Variants in MGAT4B observed in about 807,000 individuals in gnomAD.
MGAT4B encodes N-acetylglucosaminyltransferase IVb.
A neutral mutation model predicts 73.9 loss-of-function variants in MGAT4B; 38 were observed. That is an observed-to-expected ratio of 0.51 (90% CI 0.40 to 0.67). MGAT4B has a LOEUF of 0.67. Among genes scored for constraint, MGAT4B ranks in the 30% least tolerant of loss-of-function variants. The probability of loss-of-function intolerance (pLI) is 0.00; values close to 1 mark genes in which losing one functional copy is unlikely to be tolerated. For synonymous variants in MGAT4B, 373 were observed against 313.5 expected, an observed-to-expected ratio of 1.19 and a Z score of -2.01; for missense variants, 686 against 735.2, an observed-to-expected ratio of 0.93 and a Z score of 0.77.
intron 6 of MGAT4B, 37 bp from the exon 7 acceptor site, chr5:179,800,296 C>G (rs754016110): frequency 1.9e-6 from 3 of 1,608,442 alleles, no homozygotes; most frequent in Non-Finnish European, 2.6e-6. Flanking sequence ...GTTCAGACCC[C>G]TCCACCTCCA....
In MGAT4B at chr5:179,797,851, C is replaced by A. The variant is rs540486400; in HGVS notation, c.*194G>T. 1 of 717,076 alleles carries A rather than the reference C, an allele frequency of 1.4e-6. No individual in the cohort carries two copies. The highest frequency in any genetic ancestry group is 2.2e-6 in the Non-Finnish European group (1 of 454,660). The allele number at this position is 717,076 out of a possible 1,614,324, so 44.4% of individuals were successfully genotyped here. ...GTGTGGGGGCCGCCTGCCTCCTCCG[C>A]GGCCCGGCGGGCGGGGGCAGCACCA... is the stretch of plus-strand genomic sequence containing the variant. On this transcript the variant is annotated 3_prime_UTR_variant, in exon 15 of 15. Coordinates refer to ENST00000292591, the MANE Select transcript of MGAT4B (RefSeq NM_014275.5).
chr5:179,801,093 C>G lies in MGAT4B; in HGVS notation c.559-140G>C, dbSNP rs1756902921. ...CTGTGCTGAGGGCGGAGTAAGGGGG[C>G]CCCCAGAGACGGCCCTTTCCCTTTG... On this transcript the variant is annotated intron_variant, in intron 4 of 14. Coordinates refer to ENST00000292591, the MANE Select transcript of MGAT4B (RefSeq NM_014275.5). This position sits in a 1 kb window ranked among gnomAD's most constrained non-coding sequence, Gnocchi z 4.8. 1 of 1,212,450 alleles carries G rather than the reference C, an allele frequency of 8.2e-7. No homozygotes were observed. Among genetic ancestry groups the G allele is most frequent in the Non-Finnish European group, 1.2e-6 (1 of 867,862 alleles). 75.1% of individuals were successfully genotyped at this position (1,212,450 alleles called of 1,614,324 possible).
Position 179,801,215 on chromosome 5 carries a change from C to T in MGAT4B, c.558+119G>A, listed in dbSNP as rs572770331. On this transcript the variant is annotated intron_variant, in intron 4 of 14. Coordinates refer to ENST00000292591, the MANE Select transcript of MGAT4B (RefSeq NM_014275.5). The surrounding 1 kb of genome is among the most constrained non-coding windows in gnomAD (Gnocchi z 4.8). Reference sequence around the variant, plus strand: ...TCAACTTTCTATCTCGGAGCATTTGCGAATGAAACTAGCAACTGAACTTCC... The same window carrying T: ...TCAACTTTCTATCTCGGAGCATTTGTGAATGAAACTAGCAACTGAACTTCC... 1.7e-5 allele frequency: 24 copies of T among 1,390,278 alleles called. No homozygotes were observed. Among genetic ancestry groups the T allele is most frequent in the East Asian group, 5.0e-5 (2 of 39,964 alleles). The allele number at this position is 1,390,278 out of a possible 1,614,324, so 86.1% of individuals were successfully genotyped here.
Position 179,798,921 on chromosome 5 carries a change from CACTG to C in MGAT4B, c.1343+3_1343+6del. 5 of 1,613,390 alleles carry C rather than the reference CACTG, an allele frequency of 3.1e-6. No homozygotes were observed. Among genetic ancestry groups the C allele is most frequent in the Non-Finnish European group, 4.2e-6 (5 of 1,180,014 alleles). Reference sequence around the variant, plus strand: ...CCCCATCGCAGACCCATGGTGCTGGCACTGACCGCTCCAGTCTTAGAGGTTGGAA... The same window carrying C: ...CCCCATCGCAGACCCATGGTGCTGGCACCGCTCCAGTCTTAGAGGTTGGAA... On this transcript the variant is annotated splice_donor_5th_base_variant and intron_variant, in intron 11 of 14. Transcript: ENST00000292591.
chr5:179,798,829 C>A, intron 11 of MGAT4B, 99 bp downstream of exon 11: 1 of 1,420,398 alleles, frequency 7.0e-7, no homozygotes, highest in South Asian at 1.3e-5. Flanking sequence ...ACTTCAGATG[C>A]GGAAACTGAA....
chr5:179,799,162 ACCTTGATCCCGG>A (rs775350978), intron 10 of MGAT4B, 29 bp downstream of exon 10: 1 of 1,613,912 alleles, frequency 6.2e-7, no homozygotes, highest in South Asian at 1.1e-5. Context: ...GTGGGCCCCG[ACCTTGATCCCGG>A]CCTAGGGAGA....
rs369626757 is a variant in MGAT4B at position 179,801,487 on chromosome 5, G to A, written c.425-20C>T. The stretch of plus-strand genomic sequence containing the variant: ...CCGACACTATGGGGGACGGAGGCCC[G>A]ACGCTGGAAAGGGTGCGGGGGCCAC... On this transcript the variant is annotated intron_variant, in intron 3 of 14. Transcript: ENST00000292591. The surrounding 1 kb of genome is among the most constrained non-coding windows in gnomAD (Gnocchi z 4.8). 16 of 1,602,440 alleles carry A rather than the reference G, an allele frequency of 1.0e-5. No homozygotes were observed. The highest frequency in any genetic ancestry group is 1.7e-4 in the Middle Eastern group (1 of 6,056).
Position 179,798,344 on chromosome 5 carries a change from C to T in MGAT4B, c.1510+3G>A. ...CCCACGCTCTCCCCCAAACCCTACCCACCGATCTGGAGGTAGCCGTCGGGG... is the reference window on the plus strand; with the variant it reads ...CCCACGCTCTCCCCCAAACCCTACCTACCGATCTGGAGGTAGCCGTCGGGG... On this transcript the variant is annotated splice_donor_region_variant and intron_variant, in intron 13 of 14. Transcript: ENST00000292591. The T allele has an allele frequency of 5.6e-6, 9 of 1,613,118 alleles. No homozygotes were observed. The highest frequency in any genetic ancestry group is 6.8e-6 in the Non-Finnish European group (8 of 1,180,000).
Position 179,800,469 on chromosome 5 carries a change from G to T in MGAT4B, c.719+15C>A. On this transcript the variant is annotated intron_variant, in intron 6 of 14. Transcript: ENST00000292591. ...GGCAGGCGGGTTGCTGAGGGTATGG[G>T]GGAGTAACTAGTACCTGACTCTCTC... is the stretch of plus-strand genomic sequence containing the variant. 4 of 1,559,584 alleles carry T rather than the reference G, an allele frequency of 2.6e-6. No individual in the cohort carries two copies. The highest frequency in any genetic ancestry group is 3.5e-6 in the Non-Finnish European group (4 of 1,138,542).
In MGAT4B at chr5:179,799,084, T is replaced by C; in HGVS notation, c.1187A>G (p.His396Arg). 2 of 1,613,952 alleles carry C rather than the reference T, an allele frequency of 1.2e-6. No individual in the cohort carries two copies. The highest frequency in any genetic ancestry group is 1.7e-6 in the Non-Finnish European group (2 of 1,180,030). ...GCTCACCTCTGCTGGCGGGTTCACA[T>C]GCTCCTTCCGCAGCGCCTGCTTTCC... Reference protein sequence around the residue: ...DFGKQALRKEHVNPPAEVSTS... With the variant: ...DFGKQALRKERVNPPAEVSTS... The change falls in exon 11 of 15, where the codon CAT becomes CGT. Residue 396 changes from histidine to arginine, a missense_variant. By Grantham distance (29) the His-to-Arg change is conservative. Transcript: ENST00000292591.
Position 179,806,616 on chromosome 5 carries a change from C to T in MGAT4B, c.-33G>A, listed in dbSNP as rs1757172497. 2 of 1,181,212 alleles carry T rather than the reference C, an allele frequency of 1.7e-6. No homozygotes were observed. The highest frequency in any genetic ancestry group is 1.6e-5 in the African/African-American group (1 of 61,006). The allele number at this position is 1,181,212 out of a possible 1,614,324, so 73.2% of individuals were successfully genotyped here. A position where few individuals can be genotyped will look rare whatever the true frequency, so the allele number is the denominator to read the frequency against. On this transcript the variant is annotated 5_prime_UTR_variant, in exon 1 of 15. Coordinates refer to ENST00000292591, the MANE Select transcript of MGAT4B (RefSeq NM_014275.5). The surrounding 1 kb of genome is among the most constrained non-coding windows in gnomAD (Gnocchi z 4.6). ...GGTGCGCGGCGGGCGCCCGCGGGGC[C>T]GAGGCTGCATGGCCCGGGGGACCGG...
chr5:179,800,612 G>C lies in MGAT4B; in HGVS notation c.606-15C>G, dbSNP rs1189294471. 6 of 1,550,158 alleles carry C rather than the reference G, an allele frequency of 3.9e-6. No individual in the cohort carries two copies. In the Admixed American group the frequency reaches 1.0e-4, roughly 27 times the overall value. ...CCGTGGGGAACCTGGGGGACGGGAAGGCCTAGTCCGTATGCAGCCTCCAGG... is the reference window on the plus strand; with the variant it reads ...CCGTGGGGAACCTGGGGGACGGGAACGCCTAGTCCGTATGCAGCCTCCAGG... On this transcript the variant is annotated splice_polypyrimidine_tract_variant and intron_variant, in intron 5 of 14. Coordinates refer to ENST00000292591, the MANE Select transcript of MGAT4B (RefSeq NM_014275.5).
chr5:179,801,082 G>C lies in MGAT4B; in HGVS notation c.559-129C>G, dbSNP rs984288775. 1 of 1,281,954 alleles carries C rather than the reference G, an allele frequency of 7.8e-7. No individual in the cohort carries two copies. Among genetic ancestry groups the C allele is most frequent in the Non-Finnish European group, 1.1e-6 (1 of 920,332 alleles). 79.4% of individuals were successfully genotyped at this position (1,281,954 alleles called of 1,614,324 possible). A position where few individuals can be genotyped will look rare whatever the true frequency, so the allele number is the denominator to read the frequency against. ...GAGTGAGCCTGCTGTGCTGAGGGCG[G>C]AGTAAGGGGGCCCCCAGAGACGGCC... On this transcript the variant is annotated intron_variant, in intron 4 of 14. Coordinates refer to ENST00000292591, the MANE Select transcript of MGAT4B (RefSeq NM_014275.5). The surrounding 1 kb of genome is among the most constrained non-coding windows in gnomAD (Gnocchi z 4.8).
chr5:179,800,619 T>C (rs1445226374), intron 5 of MGAT4B, 22 bp from the exon 6 acceptor site: 1 of 1,519,230 alleles, frequency 6.6e-7, no homozygotes, highest in African/African-American at 1.4e-5. Flanking sequence ...GAAGGCCTAG[T>C]CCGTATGCAG....
chr5:179,801,959 CACA>C lies in MGAT4B; in HGVS notation c.105_107del (p.Val36del). 6.2e-7 allele frequency: 1 copy of C among 1,613,398 alleles called. No homozygotes were observed. Among genetic ancestry groups the C allele is most frequent in the Non-Finnish European group, 8.5e-7 (1 of 1,180,026 alleles). ...CCAGGAACTCCCGCTGGTAAACGTC[CACA>C]ACGTCGCCTGCAGGTGGTAGGCAAG... On this transcript the variant is annotated inframe_deletion, in exon 2 of 15. Coordinates refer to ENST00000292591, the MANE Select transcript of MGAT4B (RefSeq NM_014275.5). This position sits in a 1 kb window ranked among gnomAD's most constrained non-coding sequence, Gnocchi z 4.8.
rs760161708 is a variant in MGAT4B, at chr5:179,802,002, C to T, written c.98-33G>A. 8 of 1,613,220 alleles carry T rather than the reference C, an allele frequency of 5.0e-6. No homozygotes were observed. In the Admixed American group the frequency reaches 5.0e-5, roughly 10 times the overall value. On this transcript the variant is annotated intron_variant, in intron 1 of 14. Transcript: ENST00000292591. ...TGGTAGGCAAGCCGTCACGAGGGGG[C>T]GGTCTAGAGCCACCCTACGGGCCCC...
At chr5:179,804,614 G>A (rs943852042) in intron 1 of MGAT4B, among the ~76,000 whole-genome samples, 2 of 152,162 alleles carry the variant, frequency 1.3e-5, no homozygotes, top group African/African-American at 4.8e-5. Context: ...CCAGGATGAT[G>A]CCCACACCTG....
chr5:179,799,608 G>A lies in MGAT4B; in HGVS notation c.939C>T (p.Ser313=), dbSNP rs1756817869. ...ACATGAGAATGAACTCTACAATCAG[G>A]CTCAGGTCCAGCGACTTGAACATCT... The part of the protein sequence containing the change: ...IGKMFKSLDL[S]LIVEFILMFY... The change falls in exon 9 of 15, where the codon AGC becomes AGT. Residue 313 remains serine, a synonymous_variant. Transcript: ENST00000292591. 6.2e-7 allele frequency: 1 copy of A among 1,613,848 alleles called. No homozygotes were observed. The highest frequency in any genetic ancestry group is 1.7e-5 in the Admixed American group (1 of 60,030).
chr5:179,800,707 A>G (rs1278059147), intron 5 of MGAT4B, 110 bp from the exon 6 acceptor site: 2 of 976,008 alleles, frequency 2.0e-6, no homozygotes, highest in Non-Finnish European at 3.0e-6. Context: ...GCCCCCCACC[A>G]CCCCCTACAC....
Sources: gnomAD v4.1 joint callset for allele counts (sites outside exome capture counted in the v4.1 genomes callset) on GRCh38, gnomAD v4.1.1 for gene constraint, Gnocchi (gnomAD v3.1) non-coding constraint, MANE v1.5 for transcripts, NCBI Gene and HGNC (gene_info 2026-07-23, HGNC 2026-07-21) for gene names.